SHROOM3: variants seen among roughly 807,000 people sequenced by gnomAD.
The protein encoded by SHROOM3 is protein Shroom3.
In SHROOM3, 47 loss-of-function variants were observed where a neutral mutation model predicts 138.6. The ratio of observed to expected loss-of-function variants is 0.34; its 90% CI spans 0.27 to 0.43. The LOEUF (loss-of-function observed/expected upper bound fraction) is 0.43, where lower values mean the gene tolerates loss of function less well. SHROOM3 is among the 20% of genes least tolerant of loss of function. The pLI is 1.00. For missense variants in SHROOM3, 2,491 were observed against 2,596.5 expected (o/e 0.96, Z 0.88); for synonymous variants, 1,062 against 1,063.3 (o/e 1.00, Z 0.02).
rs773529500 is a variant in SHROOM3, at chr4:76,741,855, C to T, written c.3682C>T (p.Arg1228Cys). Residue 1228 changes from arginine to cysteine, a missense_variant, in exon 5 of 11, where the codon CGC becomes TGC. This residue lies in a region of SHROOM3 where 1,733 missense variants were observed against 1,661.6 expected (regional missense o/e 1.04). Transcript: ENST00000296043. This position sits in a 1 kb window ranked among gnomAD's most constrained non-coding sequence, Gnocchi z 6.2. Reference protein sequence around the residue: ...KSMSAEDLLERSDVLAGPVHV... With the variant: ...KSMSAEDLLECSDVLAGPVHV... ...CATGTCGGCCGAGGACCTGCTGGAA[C>T]GCTCGGACGTCCTTGCGGGCCCTGT... is the stretch of plus-strand genomic sequence containing the variant. 4.3e-6 allele frequency: 7 copies of T among 1,610,090 alleles called. 1 individual carries two copies. Among genetic ancestry groups the T allele is most frequent in the South Asian group, 3.3e-5 (3 of 90,196 alleles).
intron 2 of SHROOM3, among the ~76,000 whole-genome samples, chr4:76,605,734 A>C (rs928911797): frequency 6.6e-6 from 1 of 151,840 alleles, no homozygotes; most frequent in African/African-American, 2.4e-5. Context: ...AAAAACAGAA[A>C]AAATGAAAAG....
Position 76,770,628 on chromosome 4 carries a change from T to A in SHROOM3, c.5352T>A (p.Ala1784=), listed in dbSNP as rs1330814215. Residue 1784 remains alanine, a splice_region_variant and synonymous_variant, in exon 10 of 11, where the codon GCT becomes GCA. Transcript: ENST00000296043. ...TGCGGTCTTATCTGTCATTTCAGGC[T>A]GAGCTCATTGGAAGTCTCACCCACA... ...EEQADVNEKK[A]ELIGSLTHKL... is the part of the protein sequence containing the mutation. 6.2e-7 allele frequency: 1 copy of A among 1,613,974 alleles called. No homozygotes were observed. The highest frequency in any genetic ancestry group is 1.7e-5 in the Admixed American group (1 of 60,020).
At chr4:76,673,719 T>G (rs973107262) in intron 2 of SHROOM3, among the ~76,000 whole-genome samples, 3 of 152,236 alleles carry the variant, frequency 2.0e-5, no homozygotes, top group African/African-American at 7.2e-5. Flanking sequence ...ATTTACCACC[T>G]TCACCACTTA....
intron 5 of SHROOM3, among the ~76,000 whole-genome samples, chr4:76,743,655 G>T (rs891377513): frequency 1.3e-5 from 2 of 152,312 alleles, no homozygotes; most frequent in African/African-American, 4.8e-5. Context: ...GTGCACATCA[G>T]ACTCTTGCCT....
At chr4:76,540,828 T>C (rs989147390) in intron 1 of SHROOM3, among the ~76,000 whole-genome samples, 5 of 152,212 alleles carry the variant, frequency 3.3e-5, no homozygotes, top group Admixed American at 6.5e-5. Flanking sequence ...CTAACTATTT[T>C]AGTATGTTAA....
chr4:76,458,169 T>C (rs908773848), intron 1 of SHROOM3, among the ~76,000 whole-genome samples: 5 of 152,220 alleles, frequency 3.3e-5, no homozygotes, highest in Admixed American at 3.3e-4. Context: ...TAATACAACA[T>C]GGAAAGATAT....
chr4:76,544,898 G>A (rs13101925), intron 1 of SHROOM3, among the ~76,000 whole-genome samples: 11,766 of 152,162 alleles, frequency 0.077, 628 homozygotes, highest in East Asian at 0.16. Context: ...CTTCACTAGT[G>A]AATATTTCTG....
At chr4:76,501,437 G>T (rs779195229) in intron 1 of SHROOM3, among the ~76,000 whole-genome samples, 1 of 152,118 alleles carries the variant, frequency 6.6e-6, no homozygotes, top group Non-Finnish European at 1.5e-5. Context: ...AGAACCTTTT[G>T]TTCTAATATT....
At position 76,756,925 on chromosome 4, in the gene SHROOM3, G is replaced by GC; in HGVS notation, c.5186_5187insC (p.Glu1730Ter). ...CAGAGAACTGTCAGCTCTTCAGGAT[G>GC]TGAAGGCAAGAGGTAAGTCCCTGGT... is the stretch of plus-strand genomic sequence containing the variant. On this transcript the variant is annotated frameshift_variant, in exon 8 of 11. Coordinates refer to ENST00000296043, the MANE Select transcript of SHROOM3 (RefSeq NM_020859.4). LOFTEE classifies it high-confidence loss of function. 1 of 1,614,026 alleles carries GC rather than the reference G, an allele frequency of 6.2e-7. No homozygotes were observed. Among genetic ancestry groups the GC allele is most frequent in the Non-Finnish European group, 8.5e-7 (1 of 1,180,040 alleles).
At chr4:76,632,853 A>G (rs1735365517) in intron 2 of SHROOM3, among the ~76,000 whole-genome samples, 1 of 152,126 alleles carries the variant, frequency 6.6e-6, no homozygotes, top group Admixed American at 6.6e-5. Context: ...GCCTTTACCA[A>G]TCTTGAATAC....
intron 1 of SHROOM3, among the ~76,000 whole-genome samples, chr4:76,493,349 A>T (rs534894627): frequency 2.0e-5 from 3 of 151,848 alleles, no homozygotes; most frequent in African/African-American, 7.3e-5. Context: ...AACATTATTC[A>T]TTGTCTAGTT....
chr4:76,734,079 C>G (rs772263305), intron 4 of SHROOM3, among the ~76,000 whole-genome samples: 2 of 152,124 alleles, frequency 1.3e-5, no homozygotes, highest in Non-Finnish European at 2.9e-5. Context: ...ATCAGTGATT[C>G]ATTCATTCAA....
At chr4:76,491,525 C>A (rs1446003936) in intron 1 of SHROOM3, among the ~76,000 whole-genome samples, 1 of 152,188 alleles carries the variant, frequency 6.6e-6, no homozygotes, top group Non-Finnish European at 1.5e-5. Context: ...AGATTTTTCT[C>A]TCTGATAATA....
intron 2 of SHROOM3, among the ~76,000 whole-genome samples, chr4:76,648,349 A>AG (rs1735881133): frequency 6.6e-6 from 1 of 152,172 alleles, no homozygotes; most frequent in African/African-American, 2.4e-5. Context: ...AGAAAGAAAA[A>AG]CAAAAAACCA....
At chr4:76,527,262 G>A (rs1230604053) in intron 1 of SHROOM3, among the ~76,000 whole-genome samples, 1 of 152,052 alleles carries the variant, frequency 6.6e-6, no homozygotes, top group African/African-American at 2.4e-5. Context: ...TTATTTATTG[G>A]TTCTTCCTCA....
chr4:76,705,424 G>T (rs1305475054), intron 2 of SHROOM3, among the ~76,000 whole-genome samples: 1 of 152,234 alleles, frequency 6.6e-6, no homozygotes, highest in Non-Finnish European at 1.5e-5. Context: ...TTGAGCCTGG[G>T]AGGTCGAGGC....
At chr4:76,678,697 G>A (rs982805452) in intron 2 of SHROOM3, among the ~76,000 whole-genome samples, 4 of 152,138 alleles carry the variant, frequency 2.6e-5, no homozygotes, top group Non-Finnish European at 5.9e-5. Flanking sequence ...TCTTGCTTTT[G>A]TTCCTCAGGC....
At chr4:76,528,891 G>C (rs150570896) in intron 1 of SHROOM3, among the ~76,000 whole-genome samples, 1 of 152,264 alleles carries the variant, frequency 6.6e-6, no homozygotes, top group Non-Finnish European at 1.5e-5. Context: ...CTTGAAGAAT[G>C]ATCTTGGTTC....
intron 2 of SHROOM3, among the ~76,000 whole-genome samples, chr4:76,694,262 CA>C (rs1245535969): frequency 6.6e-6 from 1 of 152,122 alleles, no homozygotes; most frequent in Non-Finnish European, 1.5e-5. Context: ...ATTGTACCCT[CA>C]AGGGTTCATA....
Sources: allele counts gnomAD v4.1 joint callset (sites outside exome capture counted in the v4.1 genomes callset), GRCh38; gene constraint gnomAD v4.1.1; regional missense constraint gnomAD v4.1.1; non-coding constraint Gnocchi (gnomAD v3.1); transcripts MANE v1.5; gene names NCBI Gene and HGNC (gene_info 2026-07-23, HGNC 2026-07-21).